PDE8A: variants seen among roughly 807,000 people sequenced by gnomAD.
PDE8A encodes phosphodiesterase 8A.
A neutral mutation model predicts 105.0 loss-of-function variants in PDE8A; 59 were observed. The ratio of observed to expected loss-of-function variants is 0.56; its 90% confidence interval spans 0.46 to 0.70. The LOEUF (loss-of-function observed/expected upper bound fraction) is 0.70. PDE8A is among the 30% of genes least tolerant of loss of function. The pLI, the probability that PDE8A is intolerant of heterozygous loss-of-function variation, is 0.00. For synonymous variants in PDE8A, 355 were observed against 371.9 expected (o/e 0.95, Z 0.52); for missense variants, 1,014 against 1,045.9 (o/e 0.97, Z 0.42).
intron 6 of PDE8A, among the ~76,000 whole-genome samples, chr15:85,087,438 G>T (rs1047734080): frequency 3.9e-5 from 6 of 152,146 alleles, no homozygotes; most frequent in Admixed American, 3.9e-4. Flanking sequence ...GGACTCAAGC[G>T]ATCTGCCTAC....
intron 5 of PDE8A, among the ~76,000 whole-genome samples, chr15:85,080,747 AC>A (rs1236987789): frequency 6.6e-6 from 1 of 152,200 alleles, no homozygotes; most frequent in Non-Finnish European, 1.5e-5. Context: ...CATGGAGCTA[AC>A]TTGAAAAGTA....
chr15:85,040,407 A>C (rs2080784943), intron 1 of PDE8A, among the ~76,000 whole-genome samples: 1 of 151,088 alleles, frequency 6.6e-6, no homozygotes, highest in African/African-American at 2.4e-5. Context: ...AAAAGAAAAA[A>C]CATTTTTGCC....
At chr15:85,107,301 C>T (rs529213374) in intron 11 of PDE8A, among the ~76,000 whole-genome samples, 1 of 152,328 alleles carries the variant, frequency 6.6e-6, no homozygotes, top group East Asian at 1.9e-4. Context: ...GTGCAGACCT[C>T]ATAGGACTCT....
intron 1 of PDE8A, among the ~76,000 whole-genome samples, chr15:85,004,893 G>C (rs1345031840): frequency 1.4e-5 from 2 of 140,288 alleles, no homozygotes; most frequent in African/African-American, 2.7e-5. Flanking sequence ...TCTCTGGATT[G>C]AATGATACAT....
In PDE8A at chr15:85,029,832, A is replaced by C. The variant is rs191343507; in HGVS notation, c.187-34538A>C. ...AAGCAACTTACTTTTCTCACATAAG[A>C]AGTCTAGAGTCTGGAAGTCAAGTGT... On this transcript the variant is annotated intron_variant, in intron 1 of 21. Transcript: ENST00000394553. Among the ~76,000 whole-genome samples, 35 of 152,284 alleles carry C rather than the reference A, an allele frequency of 2.3e-4. No homozygotes were observed. The East Asian group carries it at 5.4e-3, about 24-fold the overall frequency.
intron 19 of PDE8A, 134 bp downstream of exon 19, chr15:85,123,327 A>T: frequency 2.5e-5 from 14 of 558,578 alleles, no homozygotes; most frequent in Non-Finnish European, 3.3e-5. Context: ...CAGGGACAGA[A>T]CTAATGGGAT....
At chr15:85,002,996 T>A (rs2080090239) in intron 1 of PDE8A, among the ~76,000 whole-genome samples, 1 of 152,258 alleles carries the variant, frequency 6.6e-6, no homozygotes, top group African/African-American at 2.4e-5. Flanking sequence ...TCTGTGTTTT[T>A]CATTTTACTT....
intron 1 of PDE8A, among the ~76,000 whole-genome samples, chr15:84,984,959 A>G (rs903847217): frequency 6.6e-6 from 1 of 152,148 alleles, no homozygotes; most frequent in Non-Finnish European, 1.5e-5. Flanking sequence ...GGTCTCAAGC[A>G]TTTGGGATAA....
chr15:84,981,609 T>TG (rs1457103263), upstream of PDE8A, among the ~76,000 whole-genome samples: 3 of 151,964 alleles, frequency 2.0e-5, no homozygotes, highest in Non-Finnish European at 2.9e-5. Context: ...GCACTCGGCC[T>TG]GGGGGGGCTT....
intron 6 of PDE8A, among the ~76,000 whole-genome samples, chr15:85,087,590 T>C (rs2081575406): frequency 6.6e-6 from 1 of 152,176 alleles, no homozygotes; most frequent in South Asian, 2.1e-4. Flanking sequence ...GGCCAGAGAA[T>C]CTTAAAATCA....
At chr15:85,102,227 A>G (rs2081874341) in intron 11 of PDE8A, among the ~76,000 whole-genome samples, 1 of 152,084 alleles carries the variant, frequency 6.6e-6, no homozygotes, top group Non-Finnish European at 1.5e-5. Flanking sequence ...GGGACGAGGG[A>G]GTCTGGAGAG....
chr15:85,003,290 A>G (rs2080094414), intron 1 of PDE8A, among the ~76,000 whole-genome samples: 1 of 152,192 alleles, frequency 6.6e-6, no homozygotes, highest in African/African-American at 2.4e-5. Flanking sequence ...TTCAACAGGA[A>G]ACAATGTCCA....
chr15:85,067,915 AC>A lies in PDE8A; in HGVS notation c.434+714del, dbSNP rs577242139. Among the ~76,000 whole-genome samples, 983 of 152,124 alleles carry A rather than the reference AC, an allele frequency of 6.5e-3. 14 individuals are homozygous for A. Among genetic ancestry groups the A allele is most frequent in the African/African-American group, 0.022 (931 of 41,504 alleles). The stretch of plus-strand genomic sequence containing the variant: ...CTGGTAGTCAGACTAGGTAGCGTTT[AC>A]CCTTCCATGACTTGCCTCCAGTAGT... On this transcript the variant is annotated intron_variant, in intron 3 of 21. Transcript: ENST00000394553.
At chr15:85,113,157 G>T (rs2082043656) in intron 12 of PDE8A, among the ~76,000 whole-genome samples, 1 of 152,186 alleles carries the variant, frequency 6.6e-6, no homozygotes, top group Non-Finnish European at 1.5e-5. Context: ...GACATCAGAA[G>T]TTCAGTCCAT....
intron 1 of PDE8A, among the ~76,000 whole-genome samples, chr15:85,049,170 T>A (rs1217440294): frequency 6.6e-6 from 1 of 152,122 alleles, no homozygotes; most frequent in Non-Finnish European, 1.5e-5. Context: ...TTCCTGATTT[T>A]AAAAAATATG....
intron 6 of PDE8A, among the ~76,000 whole-genome samples, chr15:85,086,393 A>G (rs1298084848): frequency 2.0e-5 from 3 of 152,360 alleles, no homozygotes; most frequent in South Asian, 2.1e-4. Context: ...AATTTAGACA[A>G]ATGACTAACT....
chr15:85,052,920 T>C (rs2080999903), intron 1 of PDE8A, among the ~76,000 whole-genome samples: 1 of 152,230 alleles, frequency 6.6e-6, no homozygotes, highest in Non-Finnish European at 1.5e-5. Flanking sequence ...CCGAATGATA[T>C]TGCCTAGGTT....
intron 1 of PDE8A, among the ~76,000 whole-genome samples, chr15:85,059,962 C>G (rs761351150): frequency 1.8e-4 from 27 of 152,138 alleles, no homozygotes; most frequent in Non-Finnish European, 3.2e-4. Flanking sequence ...GAGCTATGAT[C>G]ATGCCATTGC....
At position 85,113,459 on chromosome 15, in the gene PDE8A, T is replaced by C. The variant is rs763646501; in HGVS notation, c.1185+12T>C. 1.9e-5 allele frequency: 31 copies of C among 1,610,730 alleles called. 1 individual carries two copies. The East Asian group carries it at 6.9e-4, about 36-fold the overall frequency. ...CGCCCATCACCAAGGTGAAGCAGTT[T>C]GTGGTCTGTCTCCATTGAGCACACA... is the stretch of plus-strand genomic sequence containing the variant. On this transcript the variant is annotated intron_variant, in intron 13 of 21. Transcript: ENST00000394553.
Sources: gnomAD v4.1 joint callset for allele counts (sites outside exome capture counted in the v4.1 genomes callset) on GRCh38, gnomAD v4.1.1 for gene constraint, MANE v1.5 for transcripts, NCBI Gene and HGNC (gene_info 2026-07-23, HGNC 2026-07-21) for gene names.